The following NR1H4 variants were observed in gnomAD, a reference collection of about 807,000 sequenced individuals.
The protein encoded by NR1H4 is bile acid receptor.
In NR1H4, 23 loss-of-function variants were observed where a neutral mutation model predicts 58.5. The ratio of observed to expected loss-of-function variants is 0.39; its 90% confidence interval spans 0.28 to 0.56. The LOEUF (loss-of-function observed/expected upper bound fraction) is 0.56. Ranked by LOEUF, NR1H4 falls within the 20% of genes least tolerant of loss-of-function variation. The pLI is 0.58. For missense variants in NR1H4, 487 were observed against 576.9 expected (o/e 0.84, Z 1.60); for synonymous variants, 214 against 198.0 (o/e 1.08, Z -0.68).
At chr12:100,499,177 A>C (rs1953779451) in intron 3 of NR1H4, among the ~76,000 whole-genome samples, 1 of 152,214 alleles carries the variant, frequency 6.6e-6, no homozygotes, top group Non-Finnish European at 1.5e-5. Flanking sequence ...AAATGCAATT[A>C]AAGGTTTTGA....
At position 100,564,179 on chromosome 12, in the gene NR1H4, C is replaced by T. The variant is rs1015753696; in HGVS notation, c.*690C>T. ...CAAATTCAGAGTATGCAGCTAACTG[C>T]AGTGATGGGACCTTCGCTTTCCTCT... On this transcript the variant is annotated 3_prime_UTR_variant, in exon 11 of 11. Transcript: ENST00000392986. 6.6e-6 allele frequency: 1 copy of T among 152,306 alleles called. No individual in the cohort carries two copies. The highest frequency in any genetic ancestry group is 2.4e-5 in the African/African-American group (1 of 41,452). The allele number at this position is 152,306 out of a possible 1,614,324, so 9.4% of individuals were successfully genotyped here. A position where few individuals can be genotyped will look rare whatever the true frequency, so the allele number is the denominator to read the frequency against.
At chr12:100,488,151 C>A (rs981785997) in intron 1 of NR1H4, among the ~76,000 whole-genome samples, 6 of 152,050 alleles carry the variant, frequency 3.9e-5, no homozygotes, top group African/African-American at 1.4e-4. Context: ...CAAGCCTGTG[C>A]CACCATGCCT....
intron 9 of NR1H4, among the ~76,000 whole-genome samples, chr12:100,558,357 A>G (rs1181741355): frequency 1.1e-4 from 4 of 38,042 alleles, no homozygotes; most frequent in Admixed American, 6.6e-4. Context: ...CTCAAAAAAA[A>G]AAAAAAAAAA....
intron 3 of NR1H4, chr12:100,503,336 C>T (rs756448155): frequency 5.7e-6 from 9 of 1,568,026 alleles, no homozygotes; most frequent in Non-Finnish European, 7.7e-6. Flanking sequence ...AACCTCTGTC[C>T]TCTCTCACTC....
intron 9 of NR1H4, among the ~76,000 whole-genome samples, chr12:100,544,520 A>G (rs1454923342): frequency 6.6e-6 from 1 of 152,010 alleles, no homozygotes; most frequent in Non-Finnish European, 1.5e-5. Context: ...AACCAATTTG[A>G]TCTCTTTGAA....
At chr12:100,559,919 C>T (rs1232712611) in intron 9 of NR1H4, among the ~76,000 whole-genome samples, 1 of 152,070 alleles carries the variant, frequency 6.6e-6, no homozygotes, top group Non-Finnish European at 1.5e-5. Flanking sequence ...CACCCTGTGT[C>T]TAGCTCAAGG....
At chr12:100,510,642 A>G (rs1309819042) in intron 3 of NR1H4, 136 bp from the exon 4 acceptor site, 1 of 529,514 alleles carries the variant, frequency 1.9e-6, no homozygotes, top group African/African-American at 2.3e-5. Context: ...TATACTCTAA[A>G]GAAGTTGTAA....
intron 4 of NR1H4, among the ~76,000 whole-genome samples, chr12:100,524,069 A>G (rs1427235974): frequency 2.0e-5 from 3 of 152,242 alleles, no homozygotes; most frequent in African/African-American, 7.2e-5. Context: ...TCACATAAAC[A>G]TATAGGTGAT....
At chr12:100,520,274 C>T (rs1329858735) in intron 4 of NR1H4, among the ~76,000 whole-genome samples, 2 of 152,136 alleles carry the variant, frequency 1.3e-5, no homozygotes, top group Non-Finnish European at 2.9e-5. Flanking sequence ...AGGCTCTGCA[C>T]TTCTTGGCTG....
At chr12:100,497,654 G>T (rs1475153228) in intron 3 of NR1H4, among the ~76,000 whole-genome samples, 2 of 152,142 alleles carry the variant, frequency 1.3e-5, no homozygotes, top group Non-Finnish European at 2.9e-5. Context: ...TCCTCTGGGA[G>T]ATCCTGCAAG....
chr12:100,510,129 C>T (rs1426785983), intron 3 of NR1H4, among the ~76,000 whole-genome samples: 3 of 152,174 alleles, frequency 2.0e-5, no homozygotes, highest in Admixed American at 6.5e-5. Flanking sequence ...ATATTTAGAT[C>T]GTTTCCAATT....
At chr12:100,529,237 A>C (rs1954634457) in intron 4 of NR1H4, among the ~76,000 whole-genome samples, 1 of 152,118 alleles carries the variant, frequency 6.6e-6, no homozygotes, top group African/African-American at 2.4e-5. Flanking sequence ...CTCTGTTTTC[A>C]TATTTCATGA....
intron 4 of NR1H4, among the ~76,000 whole-genome samples, chr12:100,513,342 T>C (rs1205662967): frequency 1.3e-5 from 2 of 152,164 alleles, no homozygotes; most frequent in Non-Finnish European, 2.9e-5. Flanking sequence ...CTTAATTCTT[T>C]CCCATCTCCG....
chr12:100,511,242 C>T, intron 4 of NR1H4, 99 bp downstream of exon 4: 1 of 1,482,594 alleles, frequency 6.7e-7, no homozygotes, highest in Non-Finnish European at 9.4e-7. Flanking sequence ...GGCAACTTCC[C>T]ATTTTCTCCT....
chr12:100,484,763 AC>A (rs1953454952), intron 1 of NR1H4, among the ~76,000 whole-genome samples: 1 of 152,050 alleles, frequency 6.6e-6, no homozygotes, highest in South Asian at 2.1e-4. Flanking sequence ...CCACCTTCTC[AC>A]TAGAGTAATC....
chr12:100,476,326 C>T (rs988247301), intron 1 of NR1H4, among the ~76,000 whole-genome samples: 2 of 152,154 alleles, frequency 1.3e-5, no homozygotes, highest in African/African-American at 4.8e-5. Flanking sequence ...CCTGAAACCT[C>T]CTGCATAGGG....
At chr12:100,476,508 G>A (rs963622237) in intron 1 of NR1H4, among the ~76,000 whole-genome samples, 3 of 152,126 alleles carry the variant, frequency 2.0e-5, no homozygotes, top group Non-Finnish European at 4.4e-5. Context: ...TCTTAGAGAG[G>A]AGCTCAGAAC....
intron 4 of NR1H4, among the ~76,000 whole-genome samples, chr12:100,513,145 A>G (rs556784862): frequency 2.0e-5 from 3 of 152,180 alleles, no homozygotes; most frequent in African/African-American, 4.8e-5. Flanking sequence ...GAACTTATAC[A>G]TTCGTTGGAA....
chr12:100,539,566 T>C (rs1042715237), intron 8 of NR1H4, among the ~76,000 whole-genome samples: 3 of 152,230 alleles, frequency 2.0e-5, no homozygotes, highest in African/African-American at 7.2e-5. Context: ...GTGTTATCTC[T>C]ATTCATGTGA....
Sources: allele counts gnomAD v4.1 joint callset (sites outside exome capture counted in the v4.1 genomes callset), GRCh38; gene constraint gnomAD v4.1.1; transcripts MANE v1.5; gene names NCBI Gene and HGNC (gene_info 2026-07-23, HGNC 2026-07-21).